ORC3: variants seen among roughly 807,000 people sequenced by gnomAD.
ORC3 encodes origin recognition complex subunit 3.
ORC3 carries 78 observed loss-of-function variants against 100.7 expected under a neutral mutation model. The observed-to-expected ratio is 0.77, with a 90% CI of 0.65 to 0.94. ORC3 has a LOEUF of 0.94. Among genes scored for constraint, ORC3 ranks in the 40% least tolerant of loss-of-function variants. The probability of loss-of-function intolerance (pLI) is 0.00; values close to 1 mark genes in which losing one functional copy is unlikely to be tolerated. For missense variants in ORC3, 789 were observed against 823.9 expected, an observed-to-expected ratio of 0.96 and a Z score of 0.52; for synonymous variants, 295 against 289.3, an observed-to-expected ratio of 1.02 and a Z score of -0.20.
intron 11 of ORC3, among the ~76,000 whole-genome samples, chr6:87,625,342 T>C (rs1425429489): frequency 2.6e-5 from 4 of 152,198 alleles, no homozygotes; most frequent in Non-Finnish European, 1.5e-5. Flanking sequence ...TTTCTCCACA[T>C]TCTCTCCAGT....
At chr6:87,597,301 T>TA (rs1777520852) in intron 2 of ORC3, among the ~76,000 whole-genome samples, 1 of 152,304 alleles carries the variant, frequency 6.6e-6, no homozygotes, top group South Asian at 2.1e-4. Context: ...TGAGGTGAGA[T>TA]ATGGAATTTT....
intron 11 of ORC3, among the ~76,000 whole-genome samples, chr6:87,625,455 A>C (rs1779831740): frequency 6.6e-6 from 1 of 152,208 alleles, no homozygotes; most frequent in East Asian, 1.9e-4. Flanking sequence ...AGTGATGATG[A>C]GCATTTTTTC....
At chr6:87,602,972 C>CACATATATTTTATATATATATAT (rs1398124278) in intron 3 of ORC3, among the ~76,000 whole-genome samples, 1 of 62,874 alleles carries the variant, frequency 1.6e-5, no homozygotes, top group African/African-American at 5.4e-5. Context: ...TATATATATA[C>CACATATATTTTATATATATATAT]ATATATATAT....
chr6:87,642,215 C>T (rs1768318356), intron 13 of ORC3, among the ~76,000 whole-genome samples: 1 of 151,812 alleles, frequency 6.6e-6, no homozygotes, highest in Non-Finnish European at 1.5e-5. Context: ...TCACTTCAGC[C>T]CAGGAGGTTG....
At chr6:87,651,656 A>G (rs1583149035) in intron 13 of ORC3, among the ~76,000 whole-genome samples, 1 of 152,296 alleles carries the variant, frequency 6.6e-6, no homozygotes, top group Non-Finnish European at 1.5e-5. Flanking sequence ...ACCCTTAACA[A>G]TTGCCATATT....
At chr6:87,602,954 A>ATTTATATAT (rs1554236515) in intron 3 of ORC3, among the ~76,000 whole-genome samples, 31 of 95,234 alleles carry the variant, frequency 3.3e-4, no homozygotes, top group Non-Finnish European at 4.5e-4. Context: ...ACACATATAT[A>ATTTATATAT]ATATATATAT....
At chr6:87,675,024 G>T in the ORC3 span, 1 of 147,286 alleles carries the variant, frequency 6.8e-6, no homozygotes, top group African/African-American at 2.5e-5. Flanking sequence ...ATAAACATTT[G>T]TTAAAAAGAC....
intron 14 of ORC3, 118 bp from the exon 15 acceptor site, chr6:87,656,788 C>A: frequency 1.6e-6 from 1 of 626,980 alleles, no homozygotes. Context: ...ATCTTGATCC[C>A]TTGCCACATT....
At chr6:87,664,180 A>T (rs554844697) in intron 17 of ORC3, among the ~76,000 whole-genome samples, 1 of 152,228 alleles carries the variant, frequency 6.6e-6, no homozygotes, top group Admixed American at 6.5e-5. Context: ...CTGATATTAT[A>T]ATATCAGAGC....
At chr6:87,636,568 T>A in intron 13 of ORC3, 82 bp downstream of exon 13, 1 of 809,094 alleles carries the variant, frequency 1.2e-6, no homozygotes, top group Non-Finnish European at 2.1e-6. Flanking sequence ...GAACCCTGCC[T>A]GCCAAAAAGT....
At chr6:87,602,467 C>G (rs1777977399) in intron 3 of ORC3, among the ~76,000 whole-genome samples, 1 of 139,048 alleles carries the variant, frequency 7.2e-6, no homozygotes, top group African/African-American at 2.6e-5. Context: ...AGGCTGACAA[C>G]TTTTTTTTTT....
chr6:87,644,256 C>G (rs1271167809), intron 13 of ORC3, among the ~76,000 whole-genome samples: 2 of 150,358 alleles, frequency 1.3e-5, no homozygotes, highest in Non-Finnish European at 3.0e-5. Context: ...CTACGCCCGG[C>G]TAATTTTTTG....
chr6:87,634,320 G>C (rs777907981), intron 11 of ORC3, among the ~76,000 whole-genome samples: 78 of 152,074 alleles, frequency 5.1e-4, no homozygotes, highest in Middle Eastern at 3.4e-3. Context: ...AGAATCACTT[G>C]TGTTTCTGCC....
intron 2 of ORC3, among the ~76,000 whole-genome samples, chr6:87,599,489 T>C (rs957564067): frequency 3.3e-5 from 5 of 151,932 alleles, no homozygotes; most frequent in Non-Finnish European, 7.4e-5. Context: ...TGCCTCAGCC[T>C]CCTGAGTACC....
intron 9 of ORC3, among the ~76,000 whole-genome samples, chr6:87,618,825 G>A (rs1170201508): frequency 6.6e-6 from 1 of 152,096 alleles, no homozygotes; most frequent in Non-Finnish European, 1.5e-5. Flanking sequence ...AGAGGAGTAA[G>A]ATGACACAGG....
At chr6:87,621,223 A>T in intron 9 of ORC3, 131 bp from the exon 10 acceptor site, 1 of 530,778 alleles carries the variant, frequency 1.9e-6, no homozygotes, top group Non-Finnish European at 3.1e-6. Flanking sequence ...TGTTATTGTG[A>T]CATTATTAAA....
chr6:87,651,046 A>G (rs115993981), intron 13 of ORC3: 361 of 391,496 alleles, frequency 9.2e-4, no homozygotes, highest in African/African-American at 7.1e-3. Context: ...ACTAATAACT[A>G]TTTGAATCCC....
chr6:87,610,862 A>G (rs1778706118), intron 7 of ORC3, among the ~76,000 whole-genome samples: 1 of 150,400 alleles, frequency 6.6e-6, no homozygotes, highest in African/African-American at 2.5e-5. Flanking sequence ...CTACTAATAT[A>G]CTTTAAATTT....
At chr6:87,669,055 G>A (rs1770776735), downstream of ORC3, among the ~76,000 whole-genome samples, 1 of 152,246 alleles carries the variant, frequency 6.6e-6, no homozygotes, top group East Asian at 1.9e-4. Context: ...TACATGGAAG[G>A]CTGAGGCAGG....
Sources: gnomAD v4.1 joint callset for allele counts (sites outside exome capture counted in the v4.1 genomes callset) on GRCh38, gnomAD v4.1.1 for gene constraint, MANE v1.5 for transcripts, NCBI Gene and HGNC (gene_info 2026-07-23, HGNC 2026-07-21) for gene names.